Variants in TSPAN15 observed in about 807,000 individuals in gnomAD.
TSPAN15 encodes tetraspanin 15.
Under a neutral mutation model 34.5 loss-of-function variants are expected in TSPAN15, and 20 were observed. The observed-to-expected ratio is 0.58, with a 90% CI of 0.41 to 0.84. The LOEUF is 0.84. Among genes scored for constraint, TSPAN15 ranks in the 40% least tolerant of loss-of-function variants. TSPAN15 has a pLI of 0.00. For synonymous variants in TSPAN15, 155 were observed against 153.9 expected (o/e 1.01, Z -0.05); for missense variants, 313 against 386.1 (o/e 0.81, Z 1.59).
intron 3 of TSPAN15, chr10:69,494,673 C>A: frequency 2.0e-6 from 2 of 985,416 alleles, no homozygotes; most frequent in Non-Finnish European, 2.4e-6. Flanking sequence ...GGGCCTGGAA[C>A]CAGGATCCTG....
At chr10:69,540,534 G>A in the TSPAN15 span, among the ~76,000 whole-genome samples, 1 of 152,284 alleles carries the variant, frequency 6.6e-6, no homozygotes, top group East Asian at 1.9e-4. Context: ...ATTACGAGAT[G>A]AGGTCCCCAG....
chr10:69,498,882 A>G (rs1842144852), intron 5 of TSPAN15, among the ~76,000 whole-genome samples: 1 of 152,140 alleles, frequency 6.6e-6, no homozygotes, highest in East Asian at 1.9e-4. Flanking sequence ...TGCCCAGGCC[A>G]GGGGAGCTTA....
intron 6 of TSPAN15, among the ~76,000 whole-genome samples, chr10:69,504,964 C>T (rs1038635808): frequency 6.6e-6 from 1 of 152,096 alleles, no homozygotes; most frequent in Non-Finnish European, 1.5e-5. Flanking sequence ...ACCTGACATG[C>T]AGAGCAGTGG....
intron 1 of TSPAN15, among the ~76,000 whole-genome samples, chr10:69,472,412 T>G (rs183982739): frequency 1.3e-5 from 2 of 152,346 alleles, no homozygotes; most frequent in Non-Finnish European, 2.9e-5. Flanking sequence ...TTTGCACACT[T>G]GATCACATCT....
intron 1 of TSPAN15, among the ~76,000 whole-genome samples, chr10:69,458,041 G>A (rs991934986): frequency 3.3e-5 from 5 of 152,218 alleles, no homozygotes; most frequent in South Asian, 2.1e-4. Flanking sequence ...AAAGCCCACA[G>A]CAAGTCAGTG....
the TSPAN15 span, among the ~76,000 whole-genome samples, chr10:69,547,324 AT>A: frequency 2.0e-5 from 3 of 152,070 alleles, no homozygotes; most frequent in African/African-American, 7.2e-5. Context: ...GTCTTTTCAT[AT>A]TTATTTATTC....
chr10:69,485,533 G>C (rs1841833724), intron 3 of TSPAN15, among the ~76,000 whole-genome samples: 1 of 152,166 alleles, frequency 6.6e-6, no homozygotes, highest in Admixed American at 6.5e-5. Context: ...AGGCCACGTG[G>C]CTGAGGGTAG....
intron 1 of TSPAN15, among the ~76,000 whole-genome samples, chr10:69,465,588 C>T (rs1394755611): frequency 6.6e-6 from 1 of 152,214 alleles, no homozygotes; most frequent in Admixed American, 6.5e-5. Flanking sequence ...CTCACTTCAA[C>T]CTCCAGCAAC....
rs1189950484 is a variant in TSPAN15 at position 69,463,798 on chromosome 10, G to A, written c.96+12108G>A. On this transcript the variant is annotated intron_variant, in intron 1 of 7. Coordinates refer to ENST00000373290, the MANE Select transcript of TSPAN15 (RefSeq NM_012339.5). ...GCACTCCAGCTGGGCATCAGAGTGA[G>A]ACTCCGTCTCAAAAAAAAAAAAAAA... Among the ~76,000 whole-genome samples the A allele has an allele frequency of 4.5e-5, 6 of 132,396 alleles. No homozygotes were observed. In the East Asian group the frequency reaches 1.2e-3, roughly 27 times the overall value. The allele number at this position is 132,396 out of a possible 152,430, so 86.9% of individuals were successfully genotyped here.
At position 69,451,540 on chromosome 10, in the gene TSPAN15, G is replaced by A; in HGVS notation, c.-55G>A. The A allele has an allele frequency of 3.0e-6, 4 of 1,326,308 alleles. No homozygotes were observed. The highest frequency in any genetic ancestry group is 3.9e-6 in the Non-Finnish European group (4 of 1,036,084). The allele number at this position is 1,326,308 out of a possible 1,614,324, so 82.2% of individuals were successfully genotyped here. On this transcript the variant is annotated 5_prime_UTR_variant, in exon 1 of 8. Transcript: ENST00000373290. The stretch of plus-strand genomic sequence containing the variant: ...AGGTGGGGCCACGAGCGCTGGCTGA[G>A]GGACCGAGCCGGAGAGCCCCGGAGC...
intron 5 of TSPAN15, among the ~76,000 whole-genome samples, chr10:69,500,639 G>A (rs769397239): frequency 2.0e-4 from 31 of 152,166 alleles, no homozygotes; most frequent in Non-Finnish European, 3.4e-4. Flanking sequence ...GGTCACTGAG[G>A]AGAGGGCAGT....
intron 1 of TSPAN15, among the ~76,000 whole-genome samples, chr10:69,453,734 G>A (rs1264522665): frequency 6.6e-6 from 1 of 152,208 alleles, no homozygotes; most frequent in East Asian, 1.9e-4. Flanking sequence ...TAATTTTTAA[G>A]GCTTTGTTCT....
chr10:69,509,376 T>A (rs1436940151), downstream of TSPAN15, among the ~76,000 whole-genome samples: 1 of 152,000 alleles, frequency 6.6e-6, no homozygotes, highest in Non-Finnish European at 1.5e-5. Flanking sequence ...AAATATCTTA[T>A]TTTTTTTGAG....
At chr10:69,515,596 C>G in the TSPAN15 span, among the ~76,000 whole-genome samples, 4 of 152,332 alleles carry the variant, frequency 2.6e-5, no homozygotes, top group South Asian at 6.2e-4. Flanking sequence ...ACCTCAGATC[C>G]TGACTCCTTC....
At chr10:69,517,903 A>G in the TSPAN15 span, among the ~76,000 whole-genome samples, 2 of 152,202 alleles carry the variant, frequency 1.3e-5, no homozygotes, top group Non-Finnish European at 2.9e-5. Flanking sequence ...GGGTAGCTAC[A>G]GGGAAAGGAG....
chr10:69,461,844 G>A (rs1455484712), intron 1 of TSPAN15, among the ~76,000 whole-genome samples: 3 of 152,124 alleles, frequency 2.0e-5, no homozygotes, highest in Admixed American at 1.3e-4. Flanking sequence ...TTCTTGGCCA[G>A]TGGACCTTGA....
At chr10:69,492,913 G>C (rs992830870) in intron 3 of TSPAN15, among the ~76,000 whole-genome samples, 2 of 152,336 alleles carry the variant, frequency 1.3e-5, no homozygotes, top group Middle Eastern at 3.4e-3. Context: ...GTGGTGCCTT[G>C]AGAGTAGGGG....
the TSPAN15 span, among the ~76,000 whole-genome samples, chr10:69,522,980 A>G: frequency 6.8e-6 from 1 of 148,060 alleles, no homozygotes; most frequent in African/African-American, 2.5e-5. Context: ...GTCATATCCC[A>G]GAAACCATCA....
chr10:69,458,395 C>T (rs993552244), intron 1 of TSPAN15, among the ~76,000 whole-genome samples: 1 of 152,230 alleles, frequency 6.6e-6, no homozygotes, highest in Non-Finnish European at 1.5e-5. Flanking sequence ...TGGGATTCAG[C>T]CACTGTTATA....
Sources: allele counts gnomAD v4.1 joint callset (sites outside exome capture counted in the v4.1 genomes callset), GRCh38; gene constraint gnomAD v4.1.1; transcripts MANE v1.5; gene names NCBI Gene and HGNC (gene_info 2026-07-23, HGNC 2026-07-21).